The following GRM8 variants were observed in gnomAD, a reference collection of about 807,000 sequenced individuals.
GRM8 encodes glutamate metabotropic receptor 8.
A neutral mutation model predicts 87.2 loss-of-function variants in GRM8; 47 were observed. The observed-to-expected ratio is 0.54, with a 90% confidence interval of 0.43 to 0.69. The LOEUF (loss-of-function observed/expected upper bound fraction) is 0.69. GRM8 is among the 30% of genes least tolerant of loss of function. The pLI, the probability that GRM8 is intolerant of heterozygous loss-of-function variation, is 0.00. For synonymous variants in GRM8, 396 were observed against 404.5 expected, an observed-to-expected ratio of 0.98 and a Z score of 0.25; for missense variants, 1,019 against 1,139.2, an observed-to-expected ratio of 0.89 and a Z score of 1.52.
At chr7:127,226,388 G>A (rs1368968397) in intron 2 of GRM8, among the ~76,000 whole-genome samples, 1 of 152,094 alleles carries the variant, frequency 6.6e-6, no homozygotes. Flanking sequence ...TTTTTCCCAG[G>A]AAATCTACTT....
chr7:127,039,048 G>A (rs1412669468), intron 3 of GRM8, among the ~76,000 whole-genome samples: 1 of 152,078 alleles, frequency 6.6e-6, no homozygotes, highest in East Asian at 1.9e-4. Context: ...GAAATCAGAG[G>A]GACCCATTAT....
intron 2 of GRM8, among the ~76,000 whole-genome samples, chr7:127,221,108 C>G (rs1796900324): frequency 6.6e-6 from 1 of 152,204 alleles, no homozygotes; most frequent in Admixed American, 6.5e-5. Context: ...CAACCATAGG[C>G]CAGGAAGCCC....
chr7:126,800,811 A>G (rs1822587104), intron 6 of GRM8, among the ~76,000 whole-genome samples: 1 of 133,756 alleles, frequency 7.5e-6, no homozygotes, highest in Non-Finnish European at 1.7e-5. Context: ...AATATTAGTC[A>G]GAAGCCTTAA....
chr7:127,106,605 C>A lies in GRM8; in HGVS notation c.618G>T (p.Met206Ile), dbSNP rs756922791. 1 of 1,614,038 alleles carries A rather than the reference C, an allele frequency of 6.2e-7. No individual in the cohort carries two copies. Residue 206 changes from methionine (M) to isoleucine (I), a missense_variant, in exon 3 of 11, where the codon ATG becomes ATT. By Grantham distance (10) the Met-to-Ile change is conservative. Transcript: ENST00000339582. ...ATCCCAGTGCTGTCACGATGTCCAC[C>A]ATGGCTTGGGCTTGGTAGGAGTCAG... ...VPPDSYQAQA[M>I]VDIVTALGWN...
intron 7 of GRM8, among the ~76,000 whole-genome samples, chr7:126,629,997 G>A (rs1801096677): frequency 6.6e-6 from 1 of 151,974 alleles, no homozygotes; most frequent in Non-Finnish European, 1.5e-5. Context: ...TTACAAAAAT[G>A]ATTATTTTCT....
intron 9 of GRM8, among the ~76,000 whole-genome samples, chr7:126,487,137 G>A (rs1191939772): frequency 6.6e-6 from 1 of 151,900 alleles, no homozygotes; most frequent in African/African-American, 2.4e-5. Flanking sequence ...TTGAGGAGTG[G>A]CTTCTTTTTT....
At position 127,227,722 on chromosome 7, in the gene GRM8, C is replaced by T. The variant is rs17866786; in HGVS notation, c.510+14973G>A. ...CTCTGACCATCTGTAATAATACAAA[C>T]TCTTATCCAGTATCCTCCTCAGAAA... On this transcript the variant is annotated intron_variant, in intron 2 of 10. Transcript: ENST00000339582. 5.8e-3 allele frequency among the ~76,000 whole-genome samples: 882 copies of T among 152,316 alleles called. 5 individuals carry two copies. The highest frequency in any genetic ancestry group is 0.02 in the African/African-American group (812 of 41,564).
intron 2 of GRM8, among the ~76,000 whole-genome samples, chr7:127,141,682 AAAG>A (rs1212209030): frequency 1.3e-5 from 2 of 152,174 alleles, no homozygotes; most frequent in Non-Finnish European, 2.9e-5. Context: ...ATAAAAATAA[AAAG>A]AATGTAAAAG....
At chr7:126,463,190 T>C (rs1266419858) in intron 9 of GRM8, among the ~76,000 whole-genome samples, 1 of 151,614 alleles carries the variant, frequency 6.6e-6, no homozygotes, top group Non-Finnish European at 1.5e-5. Flanking sequence ...TGCAAAGCTA[T>C]AGGATGGAAG....
chr7:126,881,851 C>T (rs1393479540), intron 6 of GRM8, among the ~76,000 whole-genome samples: 1 of 152,196 alleles, frequency 6.6e-6, no homozygotes, highest in Non-Finnish European at 1.5e-5. Context: ...TGAATTGTAA[C>T]TACTGCTGTG....
intron 9 of GRM8, among the ~76,000 whole-genome samples, chr7:126,470,459 C>T (rs569751839): frequency 8.6e-5 from 13 of 150,542 alleles, no homozygotes; most frequent in East Asian, 8.0e-4. Context: ...TTTGTCCTTG[C>T]GACAGTTTAC....
chr7:127,010,296 G>A (rs913543478), intron 3 of GRM8, among the ~76,000 whole-genome samples: 5 of 152,042 alleles, frequency 3.3e-5, no homozygotes, highest in Admixed American at 6.6e-5. Flanking sequence ...GTTGCCTTCT[G>A]TTTGCAACAG....
intron 3 of GRM8, among the ~76,000 whole-genome samples, chr7:126,932,381 G>C (rs1033232124): frequency 3.3e-5 from 5 of 152,076 alleles, no homozygotes; most frequent in African/African-American, 1.2e-4. Context: ...TGTATTTTTA[G>C]CTGACAAACT....
At chr7:126,797,229 A>G (rs563417737) in intron 6 of GRM8, among the ~76,000 whole-genome samples, 1 of 152,116 alleles carries the variant, frequency 6.6e-6, no homozygotes, top group African/African-American at 2.4e-5. Context: ...TATAAAGGTT[A>G]CAACTTAATA....
At chr7:126,443,378 T>C (rs1461604618) in intron 10 of GRM8, among the ~76,000 whole-genome samples, 1 of 152,056 alleles carries the variant, frequency 6.6e-6, no homozygotes, top group Non-Finnish European at 1.5e-5. Flanking sequence ...ATATTTACTC[T>C]GTGTAGCTTT....
intron 2 of GRM8, among the ~76,000 whole-genome samples, chr7:127,240,972 T>C (rs1252041110): frequency 2.0e-5 from 3 of 152,296 alleles, no homozygotes; most frequent in Middle Eastern, 6.8e-3. Context: ...CAACTCTGGC[T>C]ACATGTTTTA....
At chr7:126,679,337 TC>T (rs1807304067) in intron 7 of GRM8, among the ~76,000 whole-genome samples, 1 of 152,220 alleles carries the variant, frequency 6.6e-6, no homozygotes, top group Admixed American at 6.5e-5. Flanking sequence ...GACAAACAAT[TC>T]ATAATTAAAA....
intron 6 of GRM8, among the ~76,000 whole-genome samples, chr7:126,812,456 T>C (rs1793389768): frequency 6.6e-6 from 1 of 152,004 alleles, no homozygotes; most frequent in Non-Finnish European, 1.5e-5. Flanking sequence ...TGTAACACAA[T>C]GGTAAGTACA....
chr7:126,825,635 C>T (rs539601719), intron 6 of GRM8, among the ~76,000 whole-genome samples: 1 of 151,978 alleles, frequency 6.6e-6, no homozygotes, highest in East Asian at 1.9e-4. Context: ...ATAAGATAAC[C>T]TACCAAGAAA....
Sources: allele counts gnomAD v4.1 joint callset (sites outside exome capture counted in the v4.1 genomes callset), GRCh38; gene constraint gnomAD v4.1.1; transcripts MANE v1.5; gene names NCBI Gene and HGNC (gene_info 2026-07-23, HGNC 2026-07-21).